RPN2: variants seen among roughly 807,000 people sequenced by gnomAD.
RPN2 encodes the protein dolichyl-diphosphooligosaccharide--protein glycosyltransferase subunit 2.
In RPN2, 29 loss-of-function variants were observed where a neutral mutation model predicts 71.4. The ratio of observed to expected loss-of-function variants is 0.41; its 90% CI spans 0.30 to 0.55. RPN2 has a LOEUF of 0.55. Among genes scored for constraint, RPN2 ranks in the 20% least tolerant of loss-of-function variants. RPN2 has a pLI of 0.35. For synonymous variants in RPN2, 308 were observed against 305.0 expected (o/e 1.01, Z -0.10); for missense variants, 726 against 774.1 (o/e 0.94, Z 0.74).
intron 12 of RPN2, 57 bp downstream of exon 12, chr20:37,228,801 T>C (rs1600835628): frequency 6.4e-7 from 1 of 1,555,848 alleles, no homozygotes; most frequent in Non-Finnish European, 8.8e-7. Flanking sequence ...CAGGCACTGG[T>C]GGCTCTTTTT....
chr20:37,227,874 G>A (rs1157604888), intron 11 of RPN2, among the ~76,000 whole-genome samples: 4 of 152,200 alleles, frequency 2.6e-5, no homozygotes, highest in South Asian at 2.1e-4. Context: ...AGCATATACC[G>A]TTCCCTGCAC....
At chr20:37,207,650 TA>T (rs869213658) in intron 7 of RPN2, among the ~76,000 whole-genome samples, 1 of 152,122 alleles carries the variant, frequency 6.6e-6, no homozygotes, top group African/African-American at 2.4e-5. Flanking sequence ...TCAAATCTAT[TA>T]AAAAAATTTT....
chr20:37,179,488 A>G, intron 1 of RPN2, 119 bp downstream of exon 1: 1 of 1,315,480 alleles, frequency 7.6e-7, no homozygotes, highest in East Asian at 3.2e-5. Context: ...CATGGGCACA[A>G]GCTCTGGCTG....
At position 37,228,592 on chromosome 20, in the gene RPN2, G is replaced by C. The variant is rs764572409; in HGVS notation, c.1342G>C (p.Val448Leu). The change falls in exon 12 of 17, where the codon GTG (valine) becomes CTG (leucine). Residue 448 changes from valine (V) to leucine (L), a missense_variant. Val to Leu is a conservative substitution (Grantham distance 32, BLOSUM62 1). Coordinates refer to ENST00000237530, the MANE Select transcript of RPN2 (RefSeq NM_002951.5). ...TAACCAGAAGACTGGCCAGGAAGTG[G>C]TGTTTGTTGCCGAGCCAGACAACAA... is the stretch of plus-strand genomic sequence containing the variant. ...LHNQKTGQEV[V>L]FVAEPDNKNV... 1 of 1,614,216 alleles carries C rather than the reference G, an allele frequency of 6.2e-7. No homozygotes were observed. Among genetic ancestry groups the C allele is most frequent in the Non-Finnish European group, 8.5e-7 (1 of 1,180,032 alleles).
At chr20:37,183,001 G>A (rs2066920133) in intron 1 of RPN2, among the ~76,000 whole-genome samples, 1 of 152,112 alleles carries the variant, frequency 6.6e-6, no homozygotes, top group African/African-American at 2.4e-5. Flanking sequence ...CAGTGTGCAA[G>A]ACTTGGAAAT....
intron 2 of RPN2, among the ~76,000 whole-genome samples, chr20:37,191,627 G>A (rs1246307605): frequency 1.3e-5 from 2 of 151,996 alleles, no homozygotes; most frequent in Non-Finnish European, 2.9e-5. Flanking sequence ...AATTAGCTGG[G>A]CGTGGTGGCG....
chr20:37,184,679 C>T (rs2066966935), intron 2 of RPN2, among the ~76,000 whole-genome samples: 1 of 152,128 alleles, frequency 6.6e-6, no homozygotes, highest in South Asian at 2.1e-4. Context: ...GTAATCCCAG[C>T]TACTCAGGAG....
In RPN2 at chr20:37,225,852, C is replaced by G. The variant is rs746809728; in HGVS notation, c.1299+50C>G. The G allele has an allele frequency of 1.6e-5, 20 of 1,220,426 alleles. No individual in the cohort carries two copies. In the Admixed American group the frequency reaches 2.1e-4, roughly 13 times the overall value. The allele number at this position is 1,220,426 out of a possible 1,614,324, so 75.6% of individuals were successfully genotyped here. On this transcript the variant is annotated intron_variant, in intron 11 of 16. Coordinates refer to ENST00000237530, the MANE Select transcript of RPN2 (RefSeq NM_002951.5). ...TCTTAACCTGAAATGTGAATGGATACTAGAGTTTACAATGTGGTCTATAAC... is the reference window on the plus strand; with the variant it reads ...TCTTAACCTGAAATGTGAATGGATAGTAGAGTTTACAATGTGGTCTATAAC...
intron 2 of RPN2, 95 bp from the exon 3 acceptor site, chr20:37,198,302 C>G (rs1430376871): frequency 2.5e-6 from 4 of 1,599,478 alleles, no homozygotes; most frequent in Non-Finnish European, 3.4e-6. Flanking sequence ...CTTAAGCCAT[C>G]TATAATGGCT....
At chr20:37,224,074 A>T in intron 10 of RPN2, 105 bp downstream of exon 10, 1 of 901,458 alleles carries the variant, frequency 1.1e-6, no homozygotes, top group Non-Finnish European at 1.8e-6. Flanking sequence ...GTCAGCAGCC[A>T]TCCAGCTTAC....
At chr20:37,189,544 G>C (rs1412465065) in intron 2 of RPN2, among the ~76,000 whole-genome samples, 1 of 152,138 alleles carries the variant, frequency 6.6e-6, no homozygotes, top group Non-Finnish European at 1.5e-5. Flanking sequence ...CCAGCTCTCC[G>C]TTTCTGCCCA....
intron 9 of RPN2, among the ~76,000 whole-genome samples, chr20:37,217,355 C>T (rs1458164842): frequency 6.6e-6 from 1 of 151,538 alleles, no homozygotes; most frequent in Non-Finnish European, 1.5e-5. Flanking sequence ...TGCAGTGGCG[C>T]AATCCCGGCT....
At chr20:37,227,086 T>C (rs1338343250) in intron 11 of RPN2, among the ~76,000 whole-genome samples, 1 of 152,184 alleles carries the variant, frequency 6.6e-6, no homozygotes, top group Non-Finnish European at 1.5e-5. Flanking sequence ...ATGGCCACAG[T>C]CCTGGGAGTC....
intron 2 of RPN2, among the ~76,000 whole-genome samples, chr20:37,195,367 T>C (rs1338797657): frequency 2.0e-5 from 3 of 152,232 alleles, no homozygotes; most frequent in Non-Finnish European, 2.9e-5. Flanking sequence ...GGAATGATGC[T>C]TGTCTTACTC....
chr20:37,189,847 A>G (rs1376634164), intron 2 of RPN2, among the ~76,000 whole-genome samples: 2 of 152,192 alleles, frequency 1.3e-5, no homozygotes, highest in Non-Finnish European at 2.9e-5. Context: ...GTTTGCTTCT[A>G]TTTATACTTT....
At position 37,232,466 on chromosome 20, in the gene RPN2, C is replaced by T. The variant is rs1254421791; in HGVS notation, c.1677+75C>T. On this transcript the variant is annotated intron_variant, in intron 14 of 16. Coordinates refer to ENST00000237530, the MANE Select transcript of RPN2 (RefSeq NM_002951.5). ...GCAGATGCATTCCTTCCAAAGGAGGCTGTGTTGTCTGGCCTCAGTAAAGCT... is the reference window on the plus strand; with the variant it reads ...GCAGATGCATTCCTTCCAAAGGAGGTTGTGTTGTCTGGCCTCAGTAAAGCT... 9.1e-6 allele frequency: 14 copies of T among 1,542,520 alleles called. No homozygotes were observed. In the African/African-American group the frequency reaches 1.1e-4, roughly 12 times the overall value.
In RPN2 at chr20:37,184,027, C is replaced by T. The variant is rs1037327329; in HGVS notation, c.14-153C>T. The T allele has an allele frequency of 3.0e-5, 25 of 842,444 alleles. No homozygotes were observed. In the African/African-American group the frequency reaches 3.5e-4, roughly 12 times the overall value. The allele number at this position is 842,444 out of a possible 1,614,324, so 52.2% of individuals were successfully genotyped here. On this transcript the variant is annotated intron_variant, in intron 1 of 16. Transcript: ENST00000237530. ...CACCAGTTGAAGAGCAGGCTCCCTG[C>T]CTTCCCAAGGCTTCTCCTCAGGTTA...
At chr20:37,215,458 C>G (rs977357313) in intron 9 of RPN2, among the ~76,000 whole-genome samples, 2 of 152,226 alleles carry the variant, frequency 1.3e-5, no homozygotes, top group Non-Finnish European at 2.9e-5. Flanking sequence ...AATCCACATT[C>G]TTATAATGTT....
intron 2 of RPN2, among the ~76,000 whole-genome samples, chr20:37,191,853 G>A (rs1047776830): frequency 6.6e-6 from 1 of 152,062 alleles, no homozygotes; most frequent in African/African-American, 2.4e-5. Flanking sequence ...AGGCTGGGGT[G>A]GGAGGATCAC....
Sources: gnomAD v4.1 joint callset for allele counts (sites outside exome capture counted in the v4.1 genomes callset) on GRCh38, gnomAD v4.1.1 for gene constraint, MANE v1.5 for transcripts, NCBI Gene and HGNC (gene_info 2026-07-23, HGNC 2026-07-21) for gene names.